Variants in PAQR3 observed in about 807,000 individuals in gnomAD.
PAQR3 encodes the protein Raf kinase trapping to Golgi.
Under a neutral mutation model 41.7 loss-of-function variants are expected in PAQR3, and 39 were observed. The observed-to-expected ratio is 0.93, with a 90% CI of 0.72 to 1.22. PAQR3 has a LOEUF of 1.22. PAQR3 is among the 50% of genes most tolerant of loss of function. PAQR3 has a pLI of 0.00. For missense variants in PAQR3, 366 were observed against 385.6 expected, an observed-to-expected ratio of 0.95 and a Z score of 0.42; for synonymous variants, 140 against 140.6, an observed-to-expected ratio of 1.00 and a Z score of 0.03.
In PAQR3 at chr4:78,926,660, G is replaced by A. The variant is rs539835540; in HGVS notation, c.563C>T (p.Ala188Val). 5.9e-5 allele frequency: 96 copies of A among 1,613,908 alleles called. No individual in the cohort carries two copies. The highest frequency in any genetic ancestry group is 2.9e-4 in the South Asian group (26 of 91,062). The change falls in exon 4 of 6, where the codon GCG becomes GTG. Residue 188 changes from alanine to valine, a missense_variant. By Grantham distance (64) the Ala-to-Val change is moderately conservative. Coordinates refer to ENST00000512733, the MANE Select transcript of PAQR3 (RefSeq NM_001040202.2). Reference sequence around the variant, plus strand: ...CGTGAGGTAATTGGGATGAATCTGCGCAAAGAACACTGCCAGGATCATAGC... The same window carrying A: ...CGTGAGGTAATTGGGATGAATCTGCACAAAGAACACTGCCAGGATCATAGC... ...VLAMILAVFF[A>V]QIHPNYLTQQ...
rs542737761 is a variant in PAQR3, at chr4:78,921,836, A to T, written c.794-1155T>A. 1.0e-4 allele frequency: 103 copies of T among 985,124 alleles called. 2 individuals carry two copies. The South Asian group carries it at 4.2e-3, about 40-fold the overall frequency. 61.0% of individuals were successfully genotyped at this position (985,124 alleles called of 1,614,324 possible). A position where few individuals can be genotyped will look rare whatever the true frequency, so the allele number is the denominator to read the frequency against. On this transcript the variant is annotated intron_variant, in intron 5 of 5. Coordinates refer to ENST00000512733, the MANE Select transcript of PAQR3 (RefSeq NM_001040202.2). ...TATCACTTTTCACTGGAAAGACTTAATTTTTTAGTTTCCATATCTCCACTG... is the reference window on the plus strand; with the variant it reads ...TATCACTTTTCACTGGAAAGACTTATTTTTTTAGTTTCCATATCTCCACTG...
Position 78,919,877 on chromosome 4 carries a change from G to C in PAQR3, c.*662C>G. ...TTAGTTTCTAATGTGATTCTTATCT[G>C]ATAGAAAATGAGAAGTTCTTTTCCT... On this transcript the variant is annotated 3_prime_UTR_variant, in exon 6 of 6. Transcript: ENST00000512733. The C allele has an allele frequency of 2.0e-6, 2 of 985,078 alleles. No individual in the cohort carries two copies. The highest frequency in any genetic ancestry group is 2.4e-6 in the Non-Finnish European group (2 of 829,450). 61.0% of individuals were successfully genotyped at this position (985,078 alleles called of 1,614,324 possible). A position where few individuals can be genotyped will look rare whatever the true frequency, so the allele number is the denominator to read the frequency against.
At chr4:78,897,235 AATAAC>A (rs1195153621) in intron 11 of PAQR3, among the ~76,000 whole-genome samples, 4 of 152,120 alleles carry the variant, frequency 2.6e-5, no homozygotes, top group Admixed American at 1.3e-4. Context: ...ACCTTAAGAA[AATAAC>A]ATAACATCTT....
chr4:78,893,207 C>G (rs1733533521), intron 11 of PAQR3, among the ~76,000 whole-genome samples: 1 of 152,214 alleles, frequency 6.6e-6, no homozygotes, highest in South Asian at 2.1e-4. Context: ...GATTCCATCT[C>G]AAGAAACCAC....
chr4:78,938,062 C>A (rs2110180670), intron 1 of PAQR3, among the ~76,000 whole-genome samples: 1 of 152,294 alleles, frequency 6.6e-6, no homozygotes, highest in Non-Finnish European at 1.5e-5. Flanking sequence ...GAAACACTTT[C>A]ATGGCAGGAC....
At chr4:78,901,082 G>C (rs1367303436) in intron 11 of PAQR3, among the ~76,000 whole-genome samples, 2 of 152,038 alleles carry the variant, frequency 1.3e-5, no homozygotes, top group East Asian at 3.9e-4. Context: ...TTGCTCTGTT[G>C]CCCAGGCTGG....
intron 11 of PAQR3, among the ~76,000 whole-genome samples, chr4:78,893,796 C>T (rs1210505753): frequency 3.3e-5 from 5 of 152,182 alleles, no homozygotes; most frequent in African/African-American, 1.2e-4. Context: ...AACTCCTGGC[C>T]TCAAGCAGCC....
rs1023192329 is a variant in PAQR3 at position 78,912,334 on chromosome 4, G to C, written c.*8205C>G. ...GTGAAAGCACATGGCACCTTTCTAG[G>C]TGTGTAGCCACTGAGAAGGGACAGT... On this transcript the variant is annotated 3_prime_UTR_variant, in exon 6 of 6. Transcript: ENST00000512733. 1 of 289,268 alleles carries C rather than the reference G, an allele frequency of 3.5e-6. No homozygotes were observed. Among genetic ancestry groups the C allele is most frequent in the African/African-American group, 2.2e-5 (1 of 46,038 alleles). 17.9% of individuals were successfully genotyped at this position (289,268 alleles called of 1,614,324 possible).
downstream of PAQR3, chr4:78,911,249 C>T (rs1734578256): frequency 3.7e-6 from 6 of 1,613,848 alleles, no homozygotes; most frequent in Middle Eastern, 1.6e-4. Context: ...TTCACAAAGG[C>T]GCCTTTTAGC....
rs367954433 is a variant in PAQR3 at position 78,889,695 on chromosome 4, T to C, written c.*837-1547A>G. 1.3e-3 allele frequency among the ~76,000 whole-genome samples: 197 copies of C among 152,340 alleles called. 8 individuals carry two copies. The South Asian group carries it at 0.035, about 27-fold the overall frequency. On this transcript the variant is annotated intron_variant and NMD_transcript_variant, in intron 11 of 12. Transcript: ENST00000342820. ...GACTGAAAAAGCATCTGGAGATTTCTAGGACTAGGACCCAAGAAAGGCAAA... is the reference window on the plus strand; with the variant it reads ...GACTGAAAAAGCATCTGGAGATTTCCAGGACTAGGACCCAAGAAAGGCAAA...
At chr4:78,899,846 T>C (rs1237262535) in intron 11 of PAQR3, among the ~76,000 whole-genome samples, 3 of 152,046 alleles carry the variant, frequency 2.0e-5, no homozygotes, top group Non-Finnish European at 2.9e-5. Flanking sequence ...AGTTGAGATA[T>C]TAGCAACAGA....
downstream of PAQR3, among the ~76,000 whole-genome samples, chr4:78,908,289 A>T (rs1440289170): frequency 6.6e-6 from 1 of 152,212 alleles, no homozygotes; most frequent in Non-Finnish European, 1.5e-5. Context: ...GACCAGATCC[A>T]GTGGCCATTT....
In PAQR3 at chr4:78,911,945, T is replaced by G; in HGVS notation, c.*8594A>C. The G allele has an allele frequency of 6.2e-7, 1 of 1,614,016 alleles. No homozygotes were observed. Among genetic ancestry groups the G allele is most frequent in the Non-Finnish European group, 8.5e-7 (1 of 1,179,878 alleles). On this transcript the variant is annotated 3_prime_UTR_variant, in exon 6 of 6. Transcript: ENST00000512733. Reference sequence around the variant, plus strand: ...GCCGTGCCCTTTACAGAACTTGTGGTGCAAAGCATCACTCCACATCAGTCC... The same window carrying G: ...GCCGTGCCCTTTACAGAACTTGTGGGGCAAAGCATCACTCCACATCAGTCC...
At position 78,920,613 on chromosome 4, in the gene PAQR3, A is replaced by G; in HGVS notation, c.862T>C (p.Trp288Arg). 6.2e-7 allele frequency: 1 copy of G among 1,612,014 alleles called. No homozygotes were observed. Among genetic ancestry groups the G allele is most frequent in the Non-Finnish European group, 8.5e-7 (1 of 1,178,656 alleles). Residue 288 changes from tryptophan to arginine, a missense_variant, in exon 6 of 6, where the codon TGG becomes CGG. By Grantham distance (101) the Trp-to-Arg change is moderately radical (BLOSUM62 -3). Transcript: ENST00000512733. ...ATGACATACACTGTTGACTGATGCC[A>G]CCAATATAACATCACTACTGCAAGG... ...HILAVVMLYW[W>R]HQSTVYVMQY... is the part of the protein sequence containing the mutation.
chr4:78,933,387 T>TC (rs1737112977), intron 2 of PAQR3, among the ~76,000 whole-genome samples: 2 of 152,190 alleles, frequency 1.3e-5, no homozygotes, highest in African/African-American at 4.8e-5. Flanking sequence ...CAGAATGTAC[T>TC]CTATTTATCT....
At chr4:78,889,952 A>C (rs971020763) in intron 11 of PAQR3, among the ~76,000 whole-genome samples, 1 of 152,202 alleles carries the variant, frequency 6.6e-6, no homozygotes, top group Admixed American at 6.5e-5. Context: ...CACTGTCCTG[A>C]ATCTAGTGTT....
In PAQR3 at chr4:78,920,105, T is replaced by C. The variant is rs1165619851; in HGVS notation, c.*434A>G. Reference sequence around the variant, plus strand: ...TTAAAATCACTATCCTAGCTTGCATTAAGCATAGGCTGAAACAACACTTGC... The same window carrying C: ...TTAAAATCACTATCCTAGCTTGCATCAAGCATAGGCTGAAACAACACTTGC... On this transcript the variant is annotated 3_prime_UTR_variant, in exon 6 of 6. Coordinates refer to ENST00000512733, the MANE Select transcript of PAQR3 (RefSeq NM_001040202.2). The C allele has an allele frequency of 2.0e-6, 2 of 986,204 alleles. No homozygotes were observed. The highest frequency in any genetic ancestry group is 2.4e-6 in the Non-Finnish European group (2 of 830,228). 61.1% of individuals were successfully genotyped at this position (986,204 alleles called of 1,614,324 possible). A position where few individuals can be genotyped will look rare whatever the true frequency, so the allele number is the denominator to read the frequency against.
At chr4:78,928,084 TC>T (rs1736428105) in intron 3 of PAQR3, among the ~76,000 whole-genome samples, 1 of 152,246 alleles carries the variant, frequency 6.6e-6, no homozygotes, top group Non-Finnish European at 1.5e-5. Context: ...ATCTTTTTAA[TC>T]TATCTTGGAC....
At chr4:78,897,912 A>G (rs1733787405) in intron 11 of PAQR3, among the ~76,000 whole-genome samples, 1 of 152,230 alleles carries the variant, frequency 6.6e-6, no homozygotes, top group Non-Finnish European at 1.5e-5. Context: ...TGAAAACTAC[A>G]TGCAATTAAG....
Sources: allele counts gnomAD v4.1 joint callset (sites outside exome capture counted in the v4.1 genomes callset), GRCh38; gene constraint gnomAD v4.1.1; transcripts MANE v1.5; gene names NCBI Gene and HGNC (gene_info 2026-07-23, HGNC 2026-07-21).